COQ8A: variants seen among roughly 807,000 people sequenced by gnomAD.
COQ8A encodes the protein atypical kinase COQ8A, mitochondrial.
COQ8A carries 51 observed loss-of-function variants against 65.0 expected under a neutral mutation model. The observed-to-expected ratio is 0.78, with a 90% CI of 0.63 to 0.99. COQ8A has a LOEUF of 0.99. COQ8A is among the 50% of genes least tolerant of loss of function. The probability of loss-of-function intolerance (pLI) is 0.00; values close to 1 mark genes in which losing one functional copy is unlikely to be tolerated. For missense variants in COQ8A, 940 were observed against 875.0 expected (o/e 1.07, Z -0.94); for synonymous variants, 371 against 353.2 (o/e 1.05, Z -0.57).
chr1:226,959,713 C>T lies in COQ8A; in HGVS notation c.-9-1664C>T, dbSNP rs568131253. On this transcript the variant is annotated intron_variant, in intron 1 of 14. Transcript: ENST00000366777. ...TATGGGGTATTTCCCCTATTGGGCC[C>T]TCCTTCCAGCGGAGTGGGTGCTCAC... 5.3e-5 allele frequency among the ~76,000 whole-genome samples: 8 copies of T among 152,332 alleles called. No homozygotes were observed. In the South Asian group the frequency reaches 1.7e-3, roughly 32 times the overall value.
intron 1 of COQ8A, among the ~76,000 whole-genome samples, chr1:226,945,319 A>G (rs1656971480): frequency 6.6e-6 from 1 of 152,110 alleles, no homozygotes; most frequent in Admixed American, 6.5e-5. Context: ...GTCATCTGGG[A>G]ACTGGAGGAC....
At chr1:226,982,479 G>T (rs1471501902) in intron 6 of COQ8A, 199 bp from the exon 7 acceptor site, 1 of 689,762 alleles carries the variant, frequency 1.4e-6, no homozygotes, top group East Asian at 2.7e-5. Flanking sequence ...ACCTTCTCAG[G>T]TCACTGGGCG....
At chr1:226,953,593 G>A (rs1375134664) in intron 1 of COQ8A, among the ~76,000 whole-genome samples, 5 of 152,186 alleles carry the variant, frequency 3.3e-5, no homozygotes, top group Admixed American at 1.3e-4. Context: ...CTGGGCTCCC[G>A]CTGTGAAGGT....
intron 1 of COQ8A, among the ~76,000 whole-genome samples, chr1:226,941,549 C>T (rs1047036438): frequency 2.0e-5 from 3 of 151,750 alleles, no homozygotes; most frequent in Non-Finnish European, 2.9e-5. Context: ...GGTGGATCAC[C>T]GTAGGTCAGG....
chr1:226,985,399 T>C (rs567782503), intron 14 of COQ8A, 59 bp downstream of exon 14: 1 of 1,579,580 alleles, frequency 6.3e-7, no homozygotes, highest in African/African-American at 1.3e-5. Flanking sequence ...GCTCCCTGTG[T>C]AAGAATGGAT....
intron 11 of COQ8A, 34 bp from the exon 12 acceptor site, chr1:226,984,514 G>A: frequency 6.5e-7 from 1 of 1,542,708 alleles, no homozygotes; most frequent in Non-Finnish European, 9.0e-7. Flanking sequence ...GCAGTGTGGT[G>A]CTGCCTGACA....
At chr1:226,985,012 G>A (rs1659996507) in intron 13 of COQ8A, 71 bp downstream of exon 13, 2 of 1,572,224 alleles carry the variant, frequency 1.3e-6, no homozygotes, top group East Asian at 2.2e-5. Flanking sequence ...GGGGACTCGG[G>A]GTAGGGAGAA....
intron 1 of COQ8A, chr1:226,958,334 C>G (rs985408434): frequency 2.0e-5 from 3 of 152,256 alleles, no homozygotes; most frequent in African/African-American, 7.2e-5. Context: ...CCCTTCCGTA[C>G]TGAGCTACTG....
intron 1 of COQ8A, among the ~76,000 whole-genome samples, chr1:226,948,827 C>T (rs1286190123): frequency 6.6e-6 from 1 of 152,172 alleles, no homozygotes; most frequent in East Asian, 1.9e-4. Context: ...CAAGTTAGAT[C>T]AGCTGTCAGG....
rs755776655 is a variant in COQ8A, at chr1:226,984,188, T to G, written c.1351T>G (p.Phe451Val). ...HVLTTELVSG[F>V]PLDQAEGLSQ... Reference sequence around the variant, plus strand: ...GCTGACCACAGAGCTGGTGTCTGGCTTCCCCCTGGACCAGGCCGAAGGGCT... The same window carrying G: ...GCTGACCACAGAGCTGGTGTCTGGCGTCCCCCTGGACCAGGCCGAAGGGCT... Residue 451 changes from phenylalanine (F) to valine (V), a missense_variant, in exon 11 of 15, where the codon TTC becomes GTC. By Grantham distance (50) the Phe-to-Val change is conservative. Transcript: ENST00000366777. 8 of 1,613,722 alleles carry G rather than the reference T, an allele frequency of 5.0e-6. No individual in the cohort carries two copies. The highest frequency in any genetic ancestry group is 6.8e-6 in the Non-Finnish European group (8 of 1,180,004).
In COQ8A at chr1:226,972,698, A is replaced by G. The variant is rs1315476831; in HGVS notation, c.656-4751A>G. ...GGGACCATTGTGCCCCATCCCCCCA[A>G]ACTTTTGTGTCCCTCATCTCAGTGG... is the stretch of plus-strand genomic sequence containing the variant. On this transcript the variant is annotated intron_variant, in intron 4 of 14. Coordinates refer to ENST00000366777, the MANE Select transcript of COQ8A (RefSeq NM_020247.5). This position sits in a 1 kb window ranked among gnomAD's most constrained non-coding sequence, Gnocchi z 4.3. 6.6e-6 allele frequency among the ~76,000 whole-genome samples: 1 copy of G among 152,038 alleles called. No homozygotes were observed. The highest frequency in any genetic ancestry group is 1.5e-5 in the Non-Finnish European group (1 of 67,996).
chr1:226,987,032 T>C lies in COQ8A; in HGVS notation c.*295T>C. 2 of 476,604 alleles carry C rather than the reference T, an allele frequency of 4.2e-6. No homozygotes were observed. Among genetic ancestry groups the C allele is most frequent in the East Asian group, 4.0e-5 (1 of 24,910 alleles). 29.5% of individuals were successfully genotyped at this position (476,604 alleles called of 1,614,324 possible). On this transcript the variant is annotated 3_prime_UTR_variant, in exon 15 of 15. Coordinates refer to ENST00000366777, the MANE Select transcript of COQ8A (RefSeq NM_020247.5). ...CTTTGTTTTCTTCTTTTTCCTGATG[T>C]GAATGTTAAGCAGAAGGGAGAGAGT...
In COQ8A at chr1:226,986,581, G is replaced by T; in HGVS notation, c.1788G>T (p.Arg596Ser). 1 of 1,613,762 alleles carries T rather than the reference G, an allele frequency of 6.2e-7. No homozygotes were observed. Among genetic ancestry groups the T allele is most frequent in the East Asian group, 2.2e-5 (1 of 44,850 alleles). The change falls in exon 15 of 15, where the codon AGG becomes AGT. Residue 596 changes from arginine (R) to serine (S), a missense_variant. Coordinates refer to ENST00000366777, the MANE Select transcript of COQ8A (RefSeq NM_020247.5). ...KIHNLIPVML[R>S]HRLVPPPEET... ...ACAACCTGATTCCCGTCATGCTGAGGCACCGTCTCGTCCCCCCACCCGAGG... is the reference window on the plus strand; with the variant it reads ...ACAACCTGATTCCCGTCATGCTGAGTCACCGTCTCGTCCCCCCACCCGAGG...
intron 5 of COQ8A, among the ~76,000 whole-genome samples, chr1:226,979,077 GCAGGCTTCTC>G (rs1659535942): frequency 6.6e-6 from 1 of 152,216 alleles, no homozygotes; most frequent in African/African-American, 2.4e-5. Context: ...GGCAGACCCT[GCAGGCTTCTC>G]CTCACCAGCT....
intron 2 of COQ8A, among the ~76,000 whole-genome samples, chr1:226,963,092 C>T (rs1458119747): frequency 6.6e-6 from 1 of 152,194 alleles, no homozygotes; most frequent in East Asian, 1.9e-4. Flanking sequence ...CAGGCCTTAG[C>T]CCTAATGGCG....
Position 226,986,632 on chromosome 1 carries a change from G to C in COQ8A, c.1839G>C (p.Met613Ile), listed in dbSNP as rs1660136728. 6.2e-7 allele frequency: 1 copy of C among 1,613,768 alleles called. No homozygotes were observed. The highest frequency in any genetic ancestry group is 1.7e-5 in the Admixed American group (1 of 59,966). The change falls in exon 15 of 15, where the codon ATG becomes ATC. Residue 613 changes from methionine to isoleucine, a missense_variant. By Grantham distance (10) the Met-to-Ile change is conservative. Coordinates refer to ENST00000366777, the MANE Select transcript of COQ8A (RefSeq NM_020247.5). ...AAACCTACTCCCTGCACAGGAAGAT[G>C]GGGGGCTCCTTCCTCATCTGCTCCA... is the stretch of plus-strand genomic sequence containing the variant. ...PEETYSLHRK[M>I]GGSFLICSKL...
rs774113750 is a variant in COQ8A, at chr1:226,984,234, A to AGGTTT, written c.1398+1_1398+5dup. On this transcript the variant is annotated frameshift_variant and splice_region_variant, in exon 11 of 15. Transcript: ENST00000366777. LOFTEE classifies it high-confidence loss of function. ...GGGCTCAGCCAGGAGATTCGGAACG[A>AGGTTT]GGTTTGTCTGTGCCAGCAGACAGGT... The AGGTTT allele has an allele frequency of 5.2e-5, 84 of 1,613,344 alleles. No homozygotes were observed. The highest frequency in any genetic ancestry group is 3.1e-5 in the Non-Finnish European group (37 of 1,179,974).
intron 4 of COQ8A, among the ~76,000 whole-genome samples, chr1:226,970,640 A>G (rs946288938): frequency 1.3e-5 from 2 of 152,214 alleles, no homozygotes; most frequent in Non-Finnish European, 2.9e-5. Flanking sequence ...TCTTGAGATT[A>G]CAGCACGCAT....
At chr1:226,984,394 G>T (rs548646920) in intron 11 of COQ8A, among the ~76,000 whole-genome samples, 154 bp from the exon 12 acceptor site, 1 of 152,202 alleles carries the variant, frequency 6.6e-6, no homozygotes, top group East Asian at 1.9e-4. Context: ...ACACAGGGGA[G>T]CTGCTGCCTT....
Sources: gnomAD v4.1 joint callset for allele counts (sites outside exome capture counted in the v4.1 genomes callset) on GRCh38, gnomAD v4.1.1 for gene constraint, Gnocchi (gnomAD v3.1) non-coding constraint, MANE v1.5 for transcripts, NCBI Gene and HGNC (gene_info 2026-07-23, HGNC 2026-07-21) for gene names.